The following SNRNP70 variants were observed in gnomAD, a reference collection of about 807,000 sequenced individuals.
SNRNP70 encodes the protein small nuclear ribonucleoprotein U1 subunit 70.
In SNRNP70, 8 loss-of-function variants were observed where a neutral mutation model predicts 50.5. The observed-to-expected ratio is 0.16, with a 90% CI of 0.09 to 0.29. The LOEUF is 0.29. Ranked by LOEUF, SNRNP70 falls within the 10% of genes least tolerant of loss-of-function variation. The probability of loss-of-function intolerance (pLI) is 1.00; values close to 1 mark genes in which losing one functional copy is unlikely to be tolerated. For synonymous variants in SNRNP70, 320 were observed against 252.9 expected, an observed-to-expected ratio of 1.27 and a Z score of -2.52; for missense variants, 529 against 663.5, an observed-to-expected ratio of 0.80 and a Z score of 2.23.
intron 6 of SNRNP70, among the ~76,000 whole-genome samples, chr19:49,100,912 A>G (rs1752078509): frequency 1.3e-5 from 2 of 151,698 alleles, no homozygotes; most frequent in Non-Finnish European, 2.9e-5. Flanking sequence ...GACCACCCAC[A>G]TTGGCCCTTC....
intron 8 of SNRNP70, among the ~76,000 whole-genome samples, chr19:49,106,407 A>G (rs2040669631): frequency 6.6e-6 from 1 of 152,188 alleles, no homozygotes; most frequent in South Asian, 2.1e-4. Flanking sequence ...ATATAGTTGT[A>G]TTCTGCTGTT....
In SNRNP70 at chr19:49,108,397, A is replaced by T. The variant is rs758745177; in HGVS notation, c.1268A>T (p.Tyr423Phe). ...ATGGAGTCTGAGGGCGGCGACGGCT[A>T]CCTGGCTCCGGAGAATGGGTATTTG... Reference protein sequence around the residue: ...MYMESEGGDGYLAPENGYLME... With the variant: ...MYMESEGGDGFLAPENGYLME... The change falls in exon 10 of 10, where the codon TAC becomes TTC. Residue 423 changes from tyrosine (Y) to phenylalanine (F), a missense_variant. Physicochemically the swap from Tyr to Phe is conservative, Grantham distance 22 (BLOSUM62 3). This residue lies in a region of SNRNP70 where 327 missense variants were observed against 308.8 expected (regional missense o/e 1.06). Coordinates refer to ENST00000598441, the MANE Select transcript of SNRNP70 (RefSeq NM_003089.6). 3 of 1,611,034 alleles carry T rather than the reference A, an allele frequency of 1.9e-6. No homozygotes were observed. Among genetic ancestry groups the T allele is most frequent in the Non-Finnish European group, 2.5e-6 (3 of 1,178,792 alleles).
chr19:49,107,299 G>A lies in SNRNP70; in HGVS notation c.578-326G>A, dbSNP rs1175002510. Among the ~76,000 whole-genome samples the A allele has an allele frequency of 1.3e-5, 2 of 152,212 alleles. No homozygotes were observed. The highest frequency in any genetic ancestry group is 4.8e-5 in the African/African-American group (2 of 41,438). ...TTTGGGTGGAAAGATCATTGGCTTCGGGTTTCTGTGAGGGCGAGGATGATT... is the reference window on the plus strand; with the variant it reads ...TTTGGGTGGAAAGATCATTGGCTTCAGGTTTCTGTGAGGGCGAGGATGATT... On this transcript the variant is annotated intron_variant, in intron 8 of 9. Coordinates refer to ENST00000598441, the MANE Select transcript of SNRNP70 (RefSeq NM_003089.6). The surrounding 1 kb of genome is among the most constrained non-coding windows in gnomAD (Gnocchi z 6.0).
intron 1 of SNRNP70, 35 bp downstream of exon 1, chr19:49,085,671 CG>C: frequency 2.2e-6 from 1 of 455,370 alleles, no homozygotes; most frequent in Non-Finnish European, 4.4e-6. Flanking sequence ...CGACGGGGTG[CG>C]GGGCCGCTAC....
intron 4 of SNRNP70, among the ~76,000 whole-genome samples, chr19:49,094,146 A>T (rs1254863401): frequency 6.6e-6 from 1 of 152,200 alleles, no homozygotes; most frequent in Non-Finnish European, 1.5e-5. Context: ...TAATAGTGGC[A>T]CTGTGGTTAT....
chr19:49,085,462 G>C lies in SNRNP70; in HGVS notation c.-185G>C, dbSNP rs1161265974. 4.6e-5 allele frequency: 20 copies of C among 432,392 alleles called. No individual in the cohort carries two copies. The highest frequency in any genetic ancestry group is 5.6e-5 in the Non-Finnish European group (12 of 212,908). The allele number at this position is 432,392 out of a possible 1,614,324, so 26.8% of individuals were successfully genotyped here. ...CCACCCCCTGCTCCAGTCGCTATCG[G>C]AGGCCGCGCGGGTGGCTGAGCAGCG... is the stretch of plus-strand genomic sequence containing the variant. On this transcript the variant is annotated 5_prime_UTR_variant, in exon 1 of 10. Coordinates refer to ENST00000598441, the MANE Select transcript of SNRNP70 (RefSeq NM_003089.6).
intron 4 of SNRNP70, among the ~76,000 whole-genome samples, chr19:49,094,049 T>A (rs1320711248): frequency 1.3e-5 from 2 of 151,914 alleles, no homozygotes; most frequent in African/African-American, 4.8e-5. Flanking sequence ...AAGTTCCAAT[T>A]GGGCGAACAA....
Position 49,087,177 on chromosome 19 carries a change from CA to C in SNRNP70, c.147+637del, listed in dbSNP as rs11398967. 5.1e-3 allele frequency among the ~76,000 whole-genome samples: 517 copies of C among 100,606 alleles called. 3 individuals carry two copies. Among genetic ancestry groups the C allele is most frequent in the Middle Eastern group, 0.023 (4 of 176 alleles). 66.0% of individuals were successfully genotyped at this position (100,606 alleles called of 152,430 possible). Reference sequence around the variant, plus strand: ...CCTGAGCAACAGAACAAGACTGTCTCAAAAAAAAAAAAAAAAAAAAAGTGGG... The same window carrying C: ...CCTGAGCAACAGAACAAGACTGTCTCAAAAAAAAAAAAAAAAAAAAGTGGG... On this transcript the variant is annotated intron_variant, in intron 2 of 9. Coordinates refer to ENST00000598441, the MANE Select transcript of SNRNP70 (RefSeq NM_003089.6).
intron 7 of SNRNP70, chr19:49,102,436 C>T: frequency 3.5e-6 from 1 of 284,442 alleles, no homozygotes; most frequent in Admixed American, 4.2e-5. Context: ...GCTTGGGTTC[C>T]ACCCAGCCTC....
chr19:49,104,417 T>G lies in SNRNP70; in HGVS notation c.476-217T>G. On this transcript the variant is annotated intron_variant, in intron 7 of 9. Transcript: ENST00000598441. The surrounding 1 kb of genome is among the most constrained non-coding windows in gnomAD (Gnocchi z 5.4). The stretch of plus-strand genomic sequence containing the variant: ...GGACGTCTCCCCCGACCAGGAGTGG[T>G]TGGGGCGCTGAGAGGAAGCAGACGC... 2 of 528,140 alleles carry G rather than the reference T, an allele frequency of 3.8e-6. No homozygotes were observed. The highest frequency in any genetic ancestry group is 3.4e-5 in the Admixed American group (1 of 29,462). The allele number at this position is 528,140 out of a possible 1,614,324, so 32.7% of individuals were successfully genotyped here.
At chr19:49,086,935 C>T (rs1342197397) in intron 2 of SNRNP70, among the ~76,000 whole-genome samples, 1 of 151,660 alleles carries the variant, frequency 6.6e-6, no homozygotes, top group Non-Finnish European at 1.5e-5. Context: ...CCTGTAATCC[C>T]AGTACTTTGG....
intron 7 of SNRNP70, chr19:49,102,273 A>T (rs10419811): frequency 1.1e-6 from 1 of 874,166 alleles, no homozygotes; most frequent in South Asian, 1.4e-5. Context: ...CCCTCCTCCC[A>T]CCCCAGTCGC....
chr19:49,087,362 G>A (rs1025303925), intron 2 of SNRNP70, among the ~76,000 whole-genome samples: 3 of 152,104 alleles, frequency 2.0e-5, no homozygotes, highest in Non-Finnish European at 4.4e-5. Context: ...GATAGTGGTA[G>A]CACCCTTATA....
chr19:49,092,793 G>T (rs1310791644), intron 4 of SNRNP70, among the ~76,000 whole-genome samples: 2 of 151,936 alleles, frequency 1.3e-5, no homozygotes, highest in Non-Finnish European at 2.9e-5. Context: ...CTGAGACGGG[G>T]TCTCACTATG....
intron 2 of SNRNP70, among the ~76,000 whole-genome samples, chr19:49,087,177 C>CAAAAA (rs11398967): frequency 3.0e-5 from 3 of 100,618 alleles, no homozygotes; most frequent in Admixed American, 2.3e-4. Flanking sequence ...AAGACTGTCT[C>CAAAAA]AAAAAAAAAA....
At chr19:49,086,882 T>A (rs1050003723) in intron 2 of SNRNP70, among the ~76,000 whole-genome samples, 30 of 41,482 alleles carry the variant, frequency 7.2e-4, no homozygotes, top group African/African-American at 1.4e-3. Context: ...AAAAAAAAAA[T>A]TTTTTTTTTA....
chr19:49,090,054 C>T lies in SNRNP70; in HGVS notation c.148-237C>T, dbSNP rs2040429149. The stretch of plus-strand genomic sequence containing the variant: ...TGAAACCCCTAGGCTCAAGCATTCT[C>T]CCTGTGTCATCATCCCAAAGTGCTG... On this transcript the variant is annotated intron_variant, in intron 2 of 9. Transcript: ENST00000598441. Among the ~76,000 whole-genome samples, 3 of 152,058 alleles carry T rather than the reference C, an allele frequency of 2.0e-5. No individual in the cohort carries two copies. The South Asian group carries it at 6.2e-4, about 32-fold the overall frequency.
At chr19:49,098,403 T>A in intron 4 of SNRNP70, 24 bp from the exon 5 acceptor site, 2 of 1,596,844 alleles carry the variant, frequency 1.3e-6, no homozygotes, top group Non-Finnish European at 1.7e-6. Context: ...CTTCAACTTA[T>A]AAAATTCCTT....
intron 4 of SNRNP70, among the ~76,000 whole-genome samples, chr19:49,097,637 C>G (rs902113816): frequency 6.6e-6 from 1 of 152,172 alleles, no homozygotes; most frequent in Non-Finnish European, 1.5e-5. Flanking sequence ...CTTAAGGCCC[C>G]GGCAGGAGTC....
Sources: allele counts gnomAD v4.1 joint callset (sites outside exome capture counted in the v4.1 genomes callset), GRCh38; gene constraint gnomAD v4.1.1; regional missense constraint gnomAD v4.1.1; non-coding constraint Gnocchi (gnomAD v3.1); transcripts MANE v1.5; gene names NCBI Gene and HGNC (gene_info 2026-07-23, HGNC 2026-07-21).